Variants in WASF3 observed in about 807,000 individuals in gnomAD.
The protein encoded by WASF3 is actin-binding protein WASF3.
Under a neutral mutation model 46.6 loss-of-function variants are expected in WASF3, and 11 were observed. The observed-to-expected ratio is 0.24, with a 90% CI of 0.15 to 0.39. The LOEUF is 0.39. WASF3 is among the 10% of genes least tolerant of loss of function. WASF3 has a pLI of 1.00. For synonymous variants in WASF3, 242 were observed against 259.7 expected (o/e 0.93, Z 0.65); for missense variants, 576 against 669.8 (o/e 0.86, Z 1.55).
chr13:26,621,394 A>C (rs1273514493), intron 2 of WASF3, among the ~76,000 whole-genome samples: 3 of 152,214 alleles, frequency 2.0e-5, no homozygotes, highest in Non-Finnish European at 4.4e-5. Context: ...ACTGAAAAGG[A>C]AAGTATGCCA....
chr13:26,649,940 G>A (rs1355019546), intron 3 of WASF3, among the ~76,000 whole-genome samples: 2 of 152,046 alleles, frequency 1.3e-5, no homozygotes, highest in African/African-American at 4.8e-5. Context: ...GCGTGGTGGT[G>A]GGCACCTATA....
chr13:26,652,097 A>G (rs1882330505), intron 3 of WASF3, among the ~76,000 whole-genome samples: 1 of 152,220 alleles, frequency 6.6e-6, no homozygotes, highest in African/African-American at 2.4e-5. Flanking sequence ...GAAACATTTT[A>G]AACTTCCTCT....
intron 1 of WASF3, among the ~76,000 whole-genome samples, chr13:26,575,519 A>T (rs942917796): frequency 6.6e-6 from 1 of 152,290 alleles, no homozygotes; most frequent in East Asian, 1.9e-4. Context: ...TAGTTGTATA[A>T]TGTTCTTGGC....
intron 3 of WASF3, among the ~76,000 whole-genome samples, chr13:26,653,922 C>A (rs1882391702): frequency 6.6e-6 from 1 of 151,890 alleles, no homozygotes; most frequent in Non-Finnish European, 1.5e-5. Context: ...CTTTGCCAGC[C>A]ATCCCCTATC....
At chr13:26,634,246 CTTCT>C (rs2137267920) in intron 2 of WASF3, among the ~76,000 whole-genome samples, 1 of 152,254 alleles carries the variant, frequency 6.6e-6, no homozygotes, top group East Asian at 1.9e-4. Context: ...ATGTAATGGC[CTTCT>C]TTGTCTCTTT....
In WASF3 at chr13:26,687,543, A is replaced by G. The variant is rs1301404835; in HGVS notation, c.*1698A>G. On this transcript the variant is annotated 3_prime_UTR_variant, in exon 10 of 10. Transcript: ENST00000335327. ...AAGCCCTGAAAAGCCTCATGTCTGC[A>G]TCCCCTTTCCAAGGCTGCTTCCCTG... 3.9e-5 allele frequency: 6 copies of G among 152,336 alleles called. No homozygotes were observed. The East Asian group carries it at 9.7e-4, about 25-fold the overall frequency. The allele number at this position is 152,336 out of a possible 1,614,324, so 9.4% of individuals were successfully genotyped here. A position where few individuals can be genotyped will look rare whatever the true frequency, so the allele number is the denominator to read the frequency against.
At chr13:26,648,234 T>C (rs1329873599) in intron 3 of WASF3, among the ~76,000 whole-genome samples, 1 of 152,214 alleles carries the variant, frequency 6.6e-6, no homozygotes. Context: ...ATTTTAAATA[T>C]GCTTCTCTCT....
chr13:26,559,000 A>G (rs188355896), intron 1 of WASF3, among the ~76,000 whole-genome samples: 11 of 152,284 alleles, frequency 7.2e-5, no homozygotes, highest in Non-Finnish European at 1.0e-4. Flanking sequence ...GGCAAATTCT[A>G]TTGCTTCTTT....
intron 1 of WASF3, among the ~76,000 whole-genome samples, chr13:26,578,277 C>T (rs981180560): frequency 8.5e-5 from 13 of 152,154 alleles, no homozygotes; most frequent in African/African-American, 2.4e-4. Flanking sequence ...TTCTTGTAGA[C>T]GACTTACCAG....
In WASF3 at chr13:26,566,308, G is replaced by T. The variant is rs1008949035; in HGVS notation, c.-109+8489G>T. ...TGATTTATTGAACATAAGCAATGGA[G>T]ACTTTTCTCTCATCTGTCATTAAAT... On this transcript the variant is annotated intron_variant, in intron 1 of 9. Coordinates refer to ENST00000335327, the MANE Select transcript of WASF3 (RefSeq NM_006646.6). 1.1e-4 allele frequency among the ~76,000 whole-genome samples: 17 copies of T among 152,170 alleles called. 1 individual carries two copies. Among genetic ancestry groups the T allele is most frequent in the Admixed American group, 5.2e-4 (8 of 15,280 alleles).
intron 1 of WASF3, among the ~76,000 whole-genome samples, 174 bp from the exon 2 acceptor site, chr13:26,612,787 T>C (rs1881018010): frequency 6.6e-6 from 1 of 152,216 alleles, no homozygotes; most frequent in Admixed American, 6.5e-5. Flanking sequence ...GTTGGAATTA[T>C]ACAGGATTTC....
rs371623823 is a variant in WASF3, at chr13:26,681,255, C to A, written c.918C>A (p.Pro306=). The A allele has an allele frequency of 2.4e-5, 38 of 1,613,224 alleles. No individual in the cohort carries two copies. Among genetic ancestry groups the A allele is most frequent in the South Asian group, 4.4e-5 (4 of 90,990 alleles). ...MALNRPQQPP[P]PPPPQAPEGS... Reference sequence around the variant, plus strand: ...TCAACAGACCTCAGCAGCCGCCCCCCCCGCCTCCCCCTCAGGCCCCAGAGG... The same window carrying A: ...TCAACAGACCTCAGCAGCCGCCCCCACCGCCTCCCCCTCAGGCCCCAGAGG... Residue 306 remains proline, a synonymous_variant, in exon 8 of 10, where the codon CCC becomes CCA. Transcript: ENST00000335327.
intron 3 of WASF3, among the ~76,000 whole-genome samples, chr13:26,657,337 T>A (rs1173442068): frequency 1.3e-5 from 2 of 152,230 alleles, no homozygotes; most frequent in East Asian, 3.8e-4. Flanking sequence ...TAACCAGATG[T>A]ATCCTCACAT....
chr13:26,560,802 C>G (rs992837542), intron 1 of WASF3, among the ~76,000 whole-genome samples: 4 of 152,188 alleles, frequency 2.6e-5, no homozygotes, highest in Non-Finnish European at 4.4e-5. Flanking sequence ...CCCCGATGAG[C>G]TTGCTGTGCA....
rs73170113 is a variant in WASF3, at chr13:26,682,114, A to G, written c.984-493A>G. 8.9e-3 allele frequency among the ~76,000 whole-genome samples: 1,354 copies of G among 152,310 alleles called. 10 individuals carry two copies. Among genetic ancestry groups the G allele is most frequent in the Middle Eastern group, 0.017 (5 of 294 alleles). ...TTTGGAAGACCCTCGGCTGAATAGA[A>G]TTCAGCAGATTTCTTGGCTGTGTGA... is the stretch of plus-strand genomic sequence containing the variant. On this transcript the variant is annotated intron_variant, in intron 8 of 9. Transcript: ENST00000335327. The surrounding 1 kb of genome is among the most constrained non-coding windows in gnomAD (Gnocchi z 4.4).
chr13:26,580,853 G>A (rs1468873165), intron 1 of WASF3, among the ~76,000 whole-genome samples: 2 of 151,418 alleles, frequency 1.3e-5, no homozygotes, highest in Non-Finnish European at 2.9e-5. Flanking sequence ...TCGAGCTCCC[G>A]ACCTCAGGTG....
At chr13:26,623,492 C>T (rs374312206) in intron 2 of WASF3, among the ~76,000 whole-genome samples, 25 of 152,246 alleles carry the variant, frequency 1.6e-4, no homozygotes, top group Middle Eastern at 3.4e-3. Flanking sequence ...GCTTCTGGGA[C>T]GAAGGGTAAT....
In WASF3 at chr13:26,561,887, A is replaced by C. The variant is rs528179868; in HGVS notation, c.-109+4068A>C. On this transcript the variant is annotated intron_variant, in intron 1 of 9. Transcript: ENST00000335327. ...AGTCTGACTCCAAGGTTTGAGAGAA[A>C]TTGTGCAGTGCTCAACAAGTGTACA... 9.8e-5 allele frequency among the ~76,000 whole-genome samples: 15 copies of C among 152,314 alleles called. No individual in the cohort carries two copies. The South Asian group carries it at 3.1e-3, about 32-fold the overall frequency.
intron 5 of WASF3, among the ~76,000 whole-genome samples, 155 bp from the exon 6 acceptor site, chr13:26,671,717 A>G (rs1003085795): frequency 2.0e-5 from 3 of 152,238 alleles, no homozygotes; most frequent in Admixed American, 6.5e-5. Flanking sequence ...CATTTTTTCA[A>G]ATAAGGAAAC....
Sources: gnomAD v4.1 joint callset for allele counts (sites outside exome capture counted in the v4.1 genomes callset) on GRCh38, gnomAD v4.1.1 for gene constraint, Gnocchi (gnomAD v3.1) non-coding constraint, MANE v1.5 for transcripts, NCBI Gene and HGNC (gene_info 2026-07-23, HGNC 2026-07-21) for gene names.